NTM: variants seen among roughly 807,000 people sequenced by gnomAD.
NTM encodes IgLON family member 2.
In NTM, 13 loss-of-function variants were observed where a neutral mutation model predicts 42.1. The observed-to-expected ratio is 0.31, with a 90% CI of 0.20 to 0.49. NTM has a LOEUF of 0.49. Ranked by LOEUF, NTM falls within the 20% of genes least tolerant of loss-of-function variation. The pLI is 0.99. For synonymous variants in NTM, 187 were observed against 179.2 expected, an observed-to-expected ratio of 1.04 and a Z score of -0.35; for missense variants, 373 against 452.8, an observed-to-expected ratio of 0.82 and a Z score of 1.60.
At chr11:131,735,310 C>T (rs2080272406) in intron 1 of NTM, among the ~76,000 whole-genome samples, 1 of 152,170 alleles carries the variant, frequency 6.6e-6, no homozygotes, top group Non-Finnish European at 1.5e-5. Context: ...CCCCCATCTT[C>T]TATGCTCGCT....
chr11:131,813,419 CAT>C (rs978339255), intron 1 of NTM, among the ~76,000 whole-genome samples: 13 of 152,074 alleles, frequency 8.5e-5, no homozygotes, highest in African/African-American at 1.2e-4. Flanking sequence ...GAGGAAGACA[CAT>C]ATGCAGAATC....
intron 1 of NTM, among the ~76,000 whole-genome samples, chr11:131,800,217 T>C (rs1380326337): frequency 6.6e-6 from 1 of 152,204 alleles, no homozygotes; most frequent in African/African-American, 2.4e-5. Context: ...GAACAGGATT[T>C]AAAGAAGTAA....
chr11:131,556,563 A>ATTTT (rs34911090), intron 1 of NTM, among the ~76,000 whole-genome samples: 1 of 98,432 alleles, frequency 1.0e-5, no homozygotes, highest in Non-Finnish European at 2.1e-5. Flanking sequence ...ACACATAGGA[A>ATTTT]TTTTTTTTTT....
intron 3 of NTM, among the ~76,000 whole-genome samples, chr11:132,199,001 TG>T (rs2080749899): frequency 6.6e-6 from 1 of 152,326 alleles, no homozygotes; most frequent in Admixed American, 6.5e-5. Context: ...GCAAGCATCT[TG>T]TAAGACAAGA....
intron 2 of NTM, chr11:131,984,446 A>G (rs1364433380): frequency 6.6e-6 from 1 of 152,210 alleles, no homozygotes; most frequent in South Asian, 2.1e-4. Flanking sequence ...CTTCTTATCT[A>G]TACTCTGATT....
At chr11:131,445,269 G>A (rs1010701685) in intron 1 of NTM, among the ~76,000 whole-genome samples, 1 of 152,176 alleles carries the variant, frequency 6.6e-6, no homozygotes, top group Admixed American at 6.5e-5. Flanking sequence ...TATGTATACA[G>A]CCATGCAGAG....
intron 2 of NTM, among the ~76,000 whole-genome samples, chr11:131,938,506 C>T (rs2059464064): frequency 6.6e-6 from 1 of 152,196 alleles, no homozygotes; most frequent in Non-Finnish European, 1.5e-5. Flanking sequence ...CCGGCTTGTG[C>T]CAGGCCTTGC....
At chr11:131,508,704 C>A (rs2047828042) in intron 1 of NTM, among the ~76,000 whole-genome samples, 2 of 150,646 alleles carry the variant, frequency 1.3e-5, no homozygotes, top group Non-Finnish European at 2.9e-5. Context: ...ACTATGCAGC[C>A]ATAAAAAAAG....
At chr11:131,775,388 A>T (rs2086798209) in intron 1 of NTM, among the ~76,000 whole-genome samples, 1 of 152,210 alleles carries the variant, frequency 6.6e-6, no homozygotes. Flanking sequence ...AAGGAAAAAG[A>T]TTATGTGTCT....
At chr11:131,425,945 A>G (rs1414429087) in intron 1 of NTM, among the ~76,000 whole-genome samples, 1 of 152,108 alleles carries the variant, frequency 6.6e-6, no homozygotes, top group African/African-American at 2.4e-5. Context: ...AAGACTTGTT[A>G]ATGTAGCTGG....
intron 1 of NTM, chr11:131,794,453 C>T (rs1302241172): frequency 4.1e-6 from 4 of 984,284 alleles, no homozygotes; most frequent in Non-Finnish European, 4.8e-6. Flanking sequence ...TCACATGAGG[C>T]GTTTGCCTTT....
intron 1 of NTM, among the ~76,000 whole-genome samples, chr11:131,832,926 G>C (rs1291509840): frequency 6.6e-6 from 1 of 152,200 alleles, no homozygotes; most frequent in Non-Finnish European, 1.5e-5. Flanking sequence ...TAAGGTATTT[G>C]TTGTAATGAG....
chr11:131,638,125 G>C (rs1209837778), intron 1 of NTM, among the ~76,000 whole-genome samples: 1 of 152,026 alleles, frequency 6.6e-6, no homozygotes, highest in Non-Finnish European at 1.5e-5. Flanking sequence ...ACCTTTTCTG[G>C]GATGAAGAGC....
At chr11:131,944,957 A>G (rs1259023955) in intron 2 of NTM, among the ~76,000 whole-genome samples, 1 of 152,178 alleles carries the variant, frequency 6.6e-6, no homozygotes, top group African/African-American at 2.4e-5. Flanking sequence ...CCTGTTGTGT[A>G]AGGATAAAAC....
intron 1 of NTM, among the ~76,000 whole-genome samples, chr11:131,649,994 T>G (rs753547734): frequency 6.6e-6 from 1 of 152,150 alleles, no homozygotes; most frequent in Admixed American, 6.5e-5. Context: ...GTTTATCTGA[T>G]GAAGCACACC....
At chr11:132,215,115 G>C (rs1592273252) in intron 4 of NTM, among the ~76,000 whole-genome samples, 1 of 152,320 alleles carries the variant, frequency 6.6e-6, no homozygotes, top group Non-Finnish European at 1.5e-5. Context: ...ACCAGGATGG[G>C]CTTGGTGTTC....
intron 2 of NTM, among the ~76,000 whole-genome samples, chr11:131,950,685 G>T (rs930614434): frequency 6.6e-6 from 1 of 152,172 alleles, no homozygotes; most frequent in Non-Finnish European, 1.5e-5. Flanking sequence ...AGGATACTGT[G>T]AGAGTTACAT....
chr11:131,556,563 ATTTTT>A (rs34911090), intron 1 of NTM, among the ~76,000 whole-genome samples: 2 of 98,416 alleles, frequency 2.0e-5, no homozygotes, highest in African/African-American at 3.6e-5. Flanking sequence ...ACACATAGGA[ATTTTT>A]TTTTTTTTTT....
At chr11:131,565,557 G>A (rs370415290) in intron 1 of NTM, among the ~76,000 whole-genome samples, 1 of 152,184 alleles carries the variant, frequency 6.6e-6, no homozygotes, top group Non-Finnish European at 1.5e-5. Flanking sequence ...CCTTCCAGCC[G>A]CAGGGCATTG....
Sources: allele counts gnomAD v4.1 joint callset (sites outside exome capture counted in the v4.1 genomes callset), GRCh38; gene constraint gnomAD v4.1.1; transcripts MANE v1.5; gene names NCBI Gene and HGNC (gene_info 2026-07-23, HGNC 2026-07-21).